The following ANKRD44 variants were observed in gnomAD, a reference collection of about 807,000 sequenced individuals.
ANKRD44 encodes serine/threonine-protein phosphatase 6 regulatory ankyrin repeat subunit B.
In ANKRD44, 35 loss-of-function variants were observed where a neutral mutation model predicts 116.0. That is an observed-to-expected ratio of 0.30 (90% CI 0.23 to 0.40). ANKRD44 has a LOEUF of 0.40. Ranked by LOEUF, ANKRD44 falls within the 10% of genes least tolerant of loss-of-function variation. The probability of loss-of-function intolerance (pLI) is 1.00; values close to 1 mark genes in which losing one functional copy is unlikely to be tolerated. For missense variants in ANKRD44, 1,014 were observed against 1,242.6 expected (o/e 0.82, Z 2.77); for synonymous variants, 435 against 461.8 (o/e 0.94, Z 0.74).
rs141708861 is a variant in ANKRD44 at position 196,980,138 on chromosome 2, A to G, written c.2369-12692T>C. Among the ~76,000 whole-genome samples, 555 of 152,342 alleles carry G rather than the reference A, an allele frequency of 3.6e-3. 3 individuals are homozygous for G. The highest frequency in any genetic ancestry group is 0.012 in the African/African-American group (506 of 41,568). The stretch of plus-strand genomic sequence containing the variant: ...TCTAATTTCTAGTGTTAGCTGTAAC[A>G]TCACAATGCAAGCACCCAGATGGCA... On this transcript the variant is annotated intron_variant, in intron 21 of 21. Coordinates refer to the ANKRD44 transcript ENST00000424317.
intron 16 of ANKRD44, among the ~76,000 whole-genome samples, chr2:197,046,148 G>A (rs1485126338): frequency 6.6e-6 from 1 of 152,166 alleles, no homozygotes; most frequent in Non-Finnish European, 1.5e-5. Context: ...GCAATAGTGT[G>A]CTGGTAATTT....
At chr2:197,195,463 TC>T (rs1282542109) in intron 1 of ANKRD44, among the ~76,000 whole-genome samples, 1 of 152,202 alleles carries the variant, frequency 6.6e-6, no homozygotes, top group Non-Finnish European at 1.5e-5. Context: ...AACTTTCCCA[TC>T]TTTTTTTTAA....
At chr2:197,134,222 A>G (rs2079166078) in intron 4 of ANKRD44, 1 of 151,774 alleles carries the variant, frequency 6.6e-6, no homozygotes, top group Admixed American at 6.6e-5. Context: ...AAGTGCTGGG[A>G]TTACAGGCAT....
In ANKRD44 at chr2:197,200,522, T is replaced by C. The variant is rs115118839; in HGVS notation, c.28-13416A>G. Among the ~76,000 whole-genome samples the C allele has an allele frequency of 4.0e-3, 602 of 152,184 alleles. 3 individuals carry two copies. Among genetic ancestry groups the C allele is most frequent in the African/African-American group, 0.014 (573 of 41,516 alleles). ...GACTCTGCTTAAAGATATAAAAAATTCCCAAGCTTGGCTGCTGCAGAACAT... is the reference window on the plus strand; with the variant it reads ...GACTCTGCTTAAAGATATAAAAAATCCCCAAGCTTGGCTGCTGCAGAACAT... On this transcript the variant is annotated intron_variant, in intron 1 of 27. Coordinates refer to ENST00000282272, the MANE Select transcript of ANKRD44 (RefSeq NM_001195144.2).
rs757769009 is a variant in ANKRD44, at chr2:197,078,730, G to A, written c.1623C>T (p.Ala541=). The A allele has an allele frequency of 2.0e-4, 326 of 1,612,086 alleles. No homozygotes were observed. Among genetic ancestry groups the A allele is most frequent in the Non-Finnish European group, 2.6e-4 (305 of 1,178,856 alleles). Residue 541 remains alanine (A), a synonymous_variant, in exon 16 of 28, where the codon GCC becomes GCT. Transcript: ENST00000282272. ...ATTCCAGACACTGCCTGTGCCCATA[G>A]GCGGCAGCATAATGTATGCTATTGT... The part of the protein sequence containing the change: ...EGYNSIHYAA[A]YGHRQCLELL...
At chr2:197,295,341 A>G (rs902250219) in intron 1 of ANKRD44, among the ~76,000 whole-genome samples, 1 of 152,218 alleles carries the variant, frequency 6.6e-6, no homozygotes, top group African/African-American at 2.4e-5. Context: ...TGCTGACCCT[A>G]TAGTCTTTGC....
At chr2:197,051,513 C>A (rs1218340809) in intron 16 of ANKRD44, among the ~76,000 whole-genome samples, 3 of 152,206 alleles carry the variant, frequency 2.0e-5, no homozygotes, top group Non-Finnish European at 2.9e-5. Flanking sequence ...CCTGCTTCAG[C>A]CTCCTGAGTA....
At chr2:197,205,479 C>T (rs910373132) in intron 1 of ANKRD44, among the ~76,000 whole-genome samples, 1 of 152,170 alleles carries the variant, frequency 6.6e-6, no homozygotes. Flanking sequence ...CACCCCATTT[C>T]CCTGAGAAAG....
intron 1 of ANKRD44, among the ~76,000 whole-genome samples, chr2:197,197,819 A>C (rs1559142219): frequency 2.1e-5 from 3 of 141,290 alleles, no homozygotes; most frequent in Non-Finnish European, 4.7e-5. Flanking sequence ...CAAAAAAAAA[A>C]AAAAAAAAAA....
chr2:197,275,997 C>T (rs4850423), intron 1 of ANKRD44, among the ~76,000 whole-genome samples: 175 of 152,116 alleles, frequency 1.2e-3, no homozygotes, highest in Non-Finnish European at 1.8e-3. Flanking sequence ...CTTTACTAGC[C>T]GGGCGCAGTG....
At chr2:197,119,334 A>C (rs1334986499) in intron 8 of ANKRD44, among the ~76,000 whole-genome samples, 1 of 152,194 alleles carries the variant, frequency 6.6e-6, no homozygotes, top group Non-Finnish European at 1.5e-5. Flanking sequence ...CTTGGGCTCA[A>C]AATCATCCAG....
intron 16 of ANKRD44, among the ~76,000 whole-genome samples, chr2:197,027,381 T>C (rs769893190): frequency 6.6e-6 from 1 of 151,948 alleles, no homozygotes; most frequent in Non-Finnish European, 1.5e-5. Flanking sequence ...AGACATATTA[T>C]CCAGGAAGTT....
chr2:197,011,497 G>C (rs567152893), intron 18 of ANKRD44, among the ~76,000 whole-genome samples: 1 of 148,290 alleles, frequency 6.7e-6, no homozygotes, highest in Non-Finnish European at 1.5e-5. Context: ...TTTTGAGGTA[G>C]AGTCTAGCTC....
Position 197,257,583 on chromosome 2 carries a change from T to C in ANKRD44, c.27+52995A>G, listed in dbSNP as rs189270064. Among the ~76,000 whole-genome samples, 567 of 152,246 alleles carry C rather than the reference T, an allele frequency of 3.7e-3. 5 individuals are homozygous for C. The highest frequency in any genetic ancestry group is 0.013 in the African/African-American group (550 of 41,538). On this transcript the variant is annotated intron_variant, in intron 1 of 27. Transcript: ENST00000282272. ...ATTTACCATTTTATAACTAAAAGAG[T>C]ATAATTGGATTATTTGTAACACAAA... is the stretch of plus-strand genomic sequence containing the variant.
intron 7 of ANKRD44, 28 bp downstream of exon 7, chr2:197,122,622 A>G: frequency 6.2e-7 from 1 of 1,606,866 alleles, no homozygotes; most frequent in South Asian, 1.1e-5. Context: ...TACACTGGCC[A>G]TGCATTGATG....
intron 1 of ANKRD44, among the ~76,000 whole-genome samples, chr2:197,264,979 G>A (rs889383424): frequency 1.6e-4 from 24 of 151,978 alleles, no homozygotes; most frequent in East Asian, 3.9e-4. Context: ...AAATAAAAAC[G>A]ATAGTTGGCT....
In ANKRD44 at chr2:197,026,047, C is replaced by CAAAAAAAA. The variant is rs111706910; in HGVS notation, c.1651-788_1651-781dup. On this transcript the variant is annotated intron_variant, in intron 16 of 27. Transcript: ENST00000282272. ...CAGAGAAGGGGGAGATAAAAAGAAACAAAAAAAAAAAAAACACCTTTCTGG... is the reference window on the plus strand; with the variant it reads ...CAGAGAAGGGGGAGATAAAAAGAAACAAAAAAAAAAAAAAAAAAAAAACACCTTTCTGG... 6.5e-4 allele frequency among the ~76,000 whole-genome samples: 85 copies of CAAAAAAAA among 130,346 alleles called. 4 individuals are homozygous for CAAAAAAAA. The highest frequency in any genetic ancestry group is 4.9e-3 in the East Asian group (20 of 4,080). 85.5% of individuals were successfully genotyped at this position (130,346 alleles called of 152,430 possible).
chr2:197,058,653 A>G (rs1036835040), intron 16 of ANKRD44, among the ~76,000 whole-genome samples: 2 of 152,192 alleles, frequency 1.3e-5, no homozygotes, highest in African/African-American at 4.8e-5. Context: ...AGGCCTAATC[A>G]CTACTACAAG....
chr2:197,281,430 T>A (rs2083261255), intron 1 of ANKRD44, among the ~76,000 whole-genome samples: 1 of 152,058 alleles, frequency 6.6e-6, no homozygotes, highest in South Asian at 2.1e-4. Flanking sequence ...TAGGTAGTTG[T>A]CCAACTCTCT....
Sources: gnomAD v4.1 joint callset for allele counts (sites outside exome capture counted in the v4.1 genomes callset) on GRCh38, gnomAD v4.1.1 for gene constraint, MANE v1.5 for transcripts, NCBI Gene and HGNC (gene_info 2026-07-23, HGNC 2026-07-21) for gene names.